The following ASXL1 variants were observed in gnomAD, a reference collection of about 807,000 sequenced individuals.
ASXL1 encodes ASXL transcriptional regulator 1.
In ASXL1, 65 loss-of-function variants were observed where a neutral mutation model predicts 89.1. The observed-to-expected ratio is 0.73, with a 90% CI of 0.60 to 0.90. The LOEUF is 0.90. ASXL1 is among the 40% of genes least tolerant of loss of function. The pLI is 0.00. For synonymous variants in ASXL1, 739 were observed against 746.9 expected (o/e 0.99, Z 0.17); for missense variants, 1,786 against 1,942.9 (o/e 0.92, Z 1.52).
At chr20:32,400,533 G>C (rs1490273682) in intron 4 of ASXL1, among the ~76,000 whole-genome samples, 1 of 152,150 alleles carries the variant, frequency 6.6e-6, no homozygotes, top group African/African-American at 2.4e-5. Flanking sequence ...ATAGCTACTT[G>C]AGTGGGTAAG....
rs528736726 is a variant in ASXL1 at position 32,437,248 on chromosome 20, C to A, written c.4536C>A (p.Ala1512=). 1.2e-5 allele frequency: 19 copies of A among 1,614,100 alleles called. No homozygotes were observed. In the South Asian group the frequency reaches 1.9e-4, roughly 16 times the overall value. ...TCCAGTGTGCGTGCAGCCTGAAAGC[C>A]ATGATCATGTGCCAAGGCTGCGGTG... is the stretch of plus-strand genomic sequence containing the variant. ...ISLQCACSLK[A]MIMCQGCGAF... is the part of the protein sequence containing the mutation. Residue 1512 remains alanine (A), a synonymous_variant, in exon 13 of 13, where the codon GCC becomes GCA. Transcript: ENST00000375687.
rs201151457 is a variant in ASXL1, at chr20:32,433,532, A to G, written c.1334A>G (p.Asp445Gly). Residue 445 changes from aspartate to glycine, a missense_variant, in exon 12 of 13, where the codon GAT becomes GGT. Asp to Gly is a moderately conservative substitution (Grantham distance 94). This residue lies in a region of ASXL1 where 1,418 missense variants were observed against 1,427.8 expected (regional missense o/e 0.99). Coordinates refer to ENST00000375687, the MANE Select transcript of ASXL1 (RefSeq NM_015338.6). ...AAGGATGCAAAATCTGTGGCCTCAG[A>G]TGTTCCCCTCTACAAGGATGGGGAG... ...VAKDAKSVAS[D>G]VPLYKDGEAK... 5 of 1,614,196 alleles carry G rather than the reference A, an allele frequency of 3.1e-6. No homozygotes were observed. In the African/African-American group the frequency reaches 6.7e-5, roughly 22 times the overall value.
rs368464592 is a variant in ASXL1 at position 32,424,538 on chromosome 20, AAAAC to A, written c.253-3582_253-3579del. On this transcript the variant is annotated intron_variant, in intron 4 of 12. Transcript: ENST00000375687. ...TGACAGAGCGAGACTCTTGTCTCAA[AAAAC>A]AAACAAAAAAACTGCCACCTAGAGA... is the stretch of plus-strand genomic sequence containing the variant. Among the ~76,000 whole-genome samples the A allele has an allele frequency of 1.8e-4, 28 of 152,318 alleles. No homozygotes were observed. The East Asian group carries it at 4.0e-3, about 22-fold the overall frequency.
chr20:32,385,950 C>G (rs1228118072), intron 4 of ASXL1, among the ~76,000 whole-genome samples: 1 of 152,172 alleles, frequency 6.6e-6, no homozygotes, highest in Non-Finnish European at 1.5e-5. Flanking sequence ...TGAACTCTTT[C>G]TCCTCCACTT....
chr20:32,428,645 GTTCATTCTTTTTTT>G, intron 6 of ASXL1: 1 of 149,382 alleles, frequency 6.7e-6, no homozygotes, highest in South Asian at 8.4e-5. Flanking sequence ...GAGTGATTTT[GTTCATTCTTTTTTT>G]TTTTTTTTTT....
At chr20:32,400,539 G>T (rs1213658251) in intron 4 of ASXL1, among the ~76,000 whole-genome samples, 1 of 152,154 alleles carries the variant, frequency 6.6e-6, no homozygotes, top group Non-Finnish European at 1.5e-5. Flanking sequence ...ACTTGAGTGG[G>T]TAAGGGCAGA....
chr20:32,431,410 T>G lies in ASXL1; in HGVS notation c.808T>G (p.Ser270Ala). Residue 270 changes from serine to alanine, a missense_variant, in exon 9 of 13, where the codon TCT (serine) becomes GCT (alanine). Physicochemically the swap from Ser to Ala is moderately conservative, Grantham distance 99. Transcript: ENST00000375687. ...VNTNLRALIN[S>A]RTFHALPSHF... Reference sequence around the variant, plus strand: ...CACCAACCTCCGTGCCCTGATCAACTCTCGGACCTTCCATGCCTTACCATC... The same window carrying G: ...CACCAACCTCCGTGCCCTGATCAACGCTCGGACCTTCCATGCCTTACCATC... 1 of 1,614,196 alleles carries G rather than the reference T, an allele frequency of 6.2e-7. No homozygotes were observed. The highest frequency in any genetic ancestry group is 8.5e-7 in the Non-Finnish European group (1 of 1,180,030).
Position 32,358,611 on chromosome 20 carries a change from G to C in ASXL1, c.-165G>C, listed in dbSNP as rs1186946035. 5.3e-6 allele frequency: 1 copy of C among 187,238 alleles called. No homozygotes were observed. Among genetic ancestry groups the C allele is most frequent in the East Asian group, 1.0e-4 (1 of 9,564 alleles). 11.6% of individuals were successfully genotyped at this position (187,238 alleles called of 1,614,324 possible). A position where few individuals can be genotyped will look rare whatever the true frequency, so the allele number is the denominator to read the frequency against. On this transcript the variant is annotated 5_prime_UTR_variant, in exon 1 of 13. Transcript: ENST00000375687. ...CCCACCGCCGCTCTCGCGCCAGCCG[G>C]TCCCCGCGTGCCCGCCCCTTCTCCC...
intron 4 of ASXL1, among the ~76,000 whole-genome samples, chr20:32,391,784 C>T (rs911138022): frequency 6.6e-6 from 1 of 152,062 alleles, no homozygotes; most frequent in African/African-American, 2.4e-5. Context: ...CCACCAAGCC[C>T]AGCCAAGGTT....
chr20:32,409,846 C>G (rs2049014882), intron 4 of ASXL1, among the ~76,000 whole-genome samples: 1 of 152,158 alleles, frequency 6.6e-6, no homozygotes, highest in Non-Finnish European at 1.5e-5. Flanking sequence ...CATCCTTGAT[C>G]ACATGGTACA....
chr20:32,361,171 C>G (rs978795437), intron 1 of ASXL1, among the ~76,000 whole-genome samples: 1 of 152,160 alleles, frequency 6.6e-6, no homozygotes. Context: ...CAACATAGAC[C>G]CGGTCTCTAC....
chr20:32,366,166 T>C (rs1438297389), intron 1 of ASXL1, among the ~76,000 whole-genome samples: 1 of 152,190 alleles, frequency 6.6e-6, no homozygotes, highest in Non-Finnish European at 1.5e-5. Context: ...TGAGAAGATA[T>C]GCATCCTTAG....
At chr20:32,377,930 G>A (rs994079089) in intron 4 of ASXL1, among the ~76,000 whole-genome samples, 1 of 149,858 alleles carries the variant, frequency 6.7e-6, no homozygotes, top group South Asian at 2.1e-4. Context: ...TGGGATTACA[G>A]GTGTGAACCA....
At chr20:32,380,279 C>G (rs1267210052) in intron 4 of ASXL1, among the ~76,000 whole-genome samples, 2 of 151,824 alleles carry the variant, frequency 1.3e-5, no homozygotes, top group Non-Finnish European at 2.9e-5. Flanking sequence ...AGACTCCGTC[C>G]CTCCCATAAA....
chr20:32,390,704 C>T (rs893707631), intron 4 of ASXL1, among the ~76,000 whole-genome samples: 1 of 152,078 alleles, frequency 6.6e-6, no homozygotes, highest in African/African-American at 2.4e-5. Flanking sequence ...CTTTTGTAGT[C>T]AGCTTCTTTT....
intron 4 of ASXL1, among the ~76,000 whole-genome samples, chr20:32,423,270 C>T (rs748321885): frequency 2.6e-5 from 4 of 151,880 alleles, no homozygotes; most frequent in Non-Finnish European, 4.4e-5. Context: ...CACTCTGTCG[C>T]CCTGGCTGAA....
chr20:32,387,360 G>A (rs1394067375), intron 4 of ASXL1, among the ~76,000 whole-genome samples: 3 of 152,162 alleles, frequency 2.0e-5, no homozygotes, highest in African/African-American at 7.2e-5. Context: ...GTCATGCCCT[G>A]TTTCTTTCAC....
chr20:32,386,035 G>C (rs969620343), intron 4 of ASXL1, among the ~76,000 whole-genome samples: 1 of 152,120 alleles, frequency 6.6e-6, no homozygotes, highest in African/African-American at 2.4e-5. Context: ...TCTCTAAATT[G>C]GATTTTCCTG....
chr20:32,367,007 CAT>C lies in ASXL1; in HGVS notation c.140+543_140+544del, dbSNP rs1459440356. 1.3e-4 allele frequency among the ~76,000 whole-genome samples: 19 copies of C among 149,826 alleles called. 1 individual carries two copies. Among genetic ancestry groups the C allele is most frequent in the Admixed American group, 1.0e-3 (15 of 14,966 alleles). The stretch of plus-strand genomic sequence containing the variant: ...TCCTGGAGAAGTAACAAGTTAGAAA[CAT>C]AGAATTTGCAGGCTTGAAAGCCAGG... On this transcript the variant is annotated intron_variant, in intron 2 of 12. Transcript: ENST00000375687.
Sources: gnomAD v4.1 joint callset for allele counts (sites outside exome capture counted in the v4.1 genomes callset) on GRCh38, gnomAD v4.1.1 for gene constraint, gnomAD v4.1.1 regional missense constraint, MANE v1.5 for transcripts, NCBI Gene and HGNC (gene_info 2026-07-23, HGNC 2026-07-21) for gene names.